Variants in COPS5 observed in about 807,000 individuals in gnomAD.
COPS5 encodes the protein COP9 signalosome subunit 5.
In COPS5, 8 loss-of-function variants were observed where a neutral mutation model predicts 44.4. The ratio of observed to expected loss-of-function variants is 0.18; its 90% confidence interval spans 0.11 to 0.32. The LOEUF (loss-of-function observed/expected upper bound fraction) is 0.32, where lower values mean the gene tolerates loss of function less well. COPS5 is among the 10% of genes least tolerant of loss of function. COPS5 has a pLI of 1.00. For synonymous variants in COPS5, 122 were observed against 142.8 expected (o/e 0.85, Z 1.04); for missense variants, 159 against 406.4 (o/e 0.39, Z 5.23).
chr8:67,057,610 A>G (rs573635838), intron 3 of COPS5, among the ~76,000 whole-genome samples, 165 bp from the exon 4 acceptor site: 1 of 152,224 alleles, frequency 6.6e-6, no homozygotes, highest in Non-Finnish European at 1.5e-5. Context: ...AGGGTAATAT[A>G]AGTGTCTCAC....
In COPS5 at chr8:67,058,151, G is replaced by A; in HGVS notation, c.439C>T (p.Leu147Phe). The A allele has an allele frequency of 6.2e-7, 1 of 1,614,094 alleles. No individual in the cohort carries two copies. The highest frequency in any genetic ancestry group is 1.1e-5 in the South Asian group (1 of 91,090). The change falls in exon 3 of 8, where the codon CTT (leucine) becomes TTT (phenylalanine). Residue 147 changes from leucine (L) to phenylalanine (F), a missense_variant. Leu to Phe is a conservative substitution (Grantham distance 22). Coordinates refer to ENST00000357849, the MANE Select transcript of COPS5 (RefSeq NM_006837.3). ...YHSHPGYGCW[L>F]SGIDVSTQML... ...TGAGTACTAACATCAATCCCAGAAA[G>A]CCAGCAGCCATAGCCAGGGTGGCTA...
At position 67,056,690 on chromosome 8, in the gene COPS5, TATATATATATATATATATATAA is replaced by T. The variant is rs1563447326; in HGVS notation, c.574-108_574-87del. 3.7e-4 allele frequency: 24 copies of T among 65,296 alleles called. 2 individuals carry two copies. Among genetic ancestry groups the T allele is most frequent in the African/African-American group, 1.9e-3 (19 of 10,174 alleles). The allele number at this position is 65,296 out of a possible 1,614,324, so 4.0% of individuals were successfully genotyped here. ...ATATATATATATATATATATATATA[TATATATATATATATATATATAA>T]AAATGAGAAAAACATGTTTTCTATG... On this transcript the variant is annotated intron_variant, in intron 4 of 7. Coordinates refer to ENST00000357849, the MANE Select transcript of COPS5 (RefSeq NM_006837.3).
At chr8:67,061,323 C>A in intron 1 of COPS5, 1 of 425,756 alleles carries the variant, frequency 2.3e-6, no homozygotes. Context: ...AGGCCCAGGC[C>A]TCACGCCTGT....
intron 6 of COPS5, among the ~76,000 whole-genome samples, chr8:67,050,442 G>A (rs1804386427): frequency 6.6e-6 from 1 of 152,162 alleles, no homozygotes; most frequent in South Asian, 2.1e-4. Flanking sequence ...ACTTGCCGTG[G>A]CGCAAGCCGC....
chr8:67,056,709 A>G (rs1482693288), intron 4 of COPS5, 105 bp from the exon 5 acceptor site: 1 of 109,768 alleles, frequency 9.1e-6, no homozygotes, highest in Non-Finnish European at 1.6e-5. Flanking sequence ...ATATATATAT[A>G]TAAAAATGAG....
intron 1 of COPS5, 91 bp from the exon 2 acceptor site, chr8:67,059,536 G>A: frequency 1.1e-6 from 1 of 915,690 alleles, no homozygotes. Flanking sequence ...AGTATTGAAG[G>A]AATTTAGAGC....
At chr8:67,060,600 G>A in intron 1 of COPS5, 3 of 838,168 alleles carry the variant, frequency 3.6e-6, no homozygotes, top group Non-Finnish European at 5.1e-6. Context: ...CATTCTAGAC[G>A]ACTCTTTTTA....
intron 1 of COPS5, chr8:67,060,265 CACAATTAG>C: frequency 1.1e-6 from 1 of 928,378 alleles, no homozygotes; most frequent in African/African-American, 1.8e-5. Context: ...TAATTAGAGC[CACAATTAG>C]ACAGTGAGGC....
In COPS5 at chr8:67,058,637, G is replaced by A. The variant is rs140630140; in HGVS notation, c.379-426C>T. Among the ~76,000 whole-genome samples the A allele has an allele frequency of 5.7e-3, 870 of 152,004 alleles. 9 individuals carry two copies. The highest frequency in any genetic ancestry group is 0.02 in the Middle Eastern group (6 of 294). ...AGTTTTATACTCAGGAACTGAGTTA[G>A]GTTGTTTCCAAATTTTTTATTTTAA... is the stretch of plus-strand genomic sequence containing the variant. On this transcript the variant is annotated intron_variant, in intron 2 of 7. Transcript: ENST00000357849.
At chr8:67,059,591 A>T in intron 1 of COPS5, 146 bp from the exon 2 acceptor site, 1 of 629,894 alleles carries the variant, frequency 1.6e-6, no homozygotes, top group East Asian at 2.7e-5. Context: ...GTAAAAAAGG[A>T]CAGTTTTTGC....
intron 7 of COPS5, chr8:67,045,108 A>G (rs1255540483): frequency 6.6e-6 from 1 of 152,190 alleles, no homozygotes; most frequent in Non-Finnish European, 1.5e-5. Flanking sequence ...CTTCTGTAAT[A>G]TCTTAGGATT....
At chr8:67,051,988 A>G (rs1417061612) in intron 5 of COPS5, among the ~76,000 whole-genome samples, 1 of 152,228 alleles carries the variant, frequency 6.6e-6, no homozygotes, top group Non-Finnish European at 1.5e-5. Flanking sequence ...AGCATGAGAC[A>G]TCTTTACCTT....
intron 4 of COPS5, among the ~76,000 whole-genome samples, 196 bp from the exon 5 acceptor site, chr8:67,056,800 A>T (rs1804520734): frequency 6.9e-6 from 1 of 145,092 alleles, no homozygotes; most frequent in Non-Finnish European, 1.5e-5. Context: ...GCATTCTAAT[A>T]AAAAAAAAAT....
At chr8:67,058,296 T>G in intron 2 of COPS5, 85 bp from the exon 3 acceptor site, 2 of 1,345,940 alleles carry the variant, frequency 1.5e-6, no homozygotes, top group South Asian at 1.3e-5. Flanking sequence ...ACCAGTCTCC[T>G]TCCCATCTCC....
intron 6 of COPS5, among the ~76,000 whole-genome samples, chr8:67,049,664 C>T (rs924129445): frequency 6.6e-6 from 1 of 152,120 alleles, no homozygotes; most frequent in Non-Finnish European, 1.5e-5. Flanking sequence ...CAATGCTTTA[C>T]CTTGAGATTT....
intron 4 of COPS5, among the ~76,000 whole-genome samples, chr8:67,056,835 A>T (rs1804521365): frequency 6.7e-6 from 1 of 150,318 alleles, no homozygotes; most frequent in African/African-American, 2.4e-5. Context: ...CCCCCCACCC[A>T]GTTTGGTGGC....
At chr8:67,061,714 T>C (rs1804638463) in intron 1 of COPS5, 140 bp downstream of exon 1, 8 of 829,994 alleles carry the variant, frequency 9.6e-6, no homozygotes, top group Non-Finnish European at 1.5e-5. Flanking sequence ...GCTTAGGCTC[T>C]ACTTGCAGAT....
intron 6 of COPS5, among the ~76,000 whole-genome samples, chr8:67,050,704 G>GC (rs1194706935): frequency 6.7e-6 from 1 of 150,264 alleles, no homozygotes; most frequent in Non-Finnish European, 1.5e-5. Context: ...TAAAGCTGCC[G>GC]TCTTGCTTTC....
chr8:67,061,703 G>C, intron 1 of COPS5, 151 bp downstream of exon 1: 1 of 749,368 alleles, frequency 1.3e-6, no homozygotes, highest in Non-Finnish European at 2.2e-6. Context: ...CCCAGCGGAG[G>C]GCTTAGGCTC....
Sources: gnomAD v4.1 joint callset for allele counts (sites outside exome capture counted in the v4.1 genomes callset) on GRCh38, gnomAD v4.1.1 for gene constraint, MANE v1.5 for transcripts, NCBI Gene and HGNC (gene_info 2026-07-23, HGNC 2026-07-21) for gene names.